DNAJB14: variants seen among roughly 807,000 people sequenced by gnomAD.
DNAJB14 encodes the protein dnaJ homolog subfamily B member 14.
In DNAJB14, 22 loss-of-function variants were observed where a neutral mutation model predicts 48.4. That is an observed-to-expected ratio of 0.45 (90% CI 0.32 to 0.65). DNAJB14 has a LOEUF of 0.65. Ranked by LOEUF, DNAJB14 falls within the 30% of genes least tolerant of loss-of-function variation. The pLI is 0.03. For synonymous variants in DNAJB14, 142 were observed against 158.7 expected, an observed-to-expected ratio of 0.89 and a Z score of 0.79; for missense variants, 319 against 458.8, an observed-to-expected ratio of 0.70 and a Z score of 2.78.
intron 3 of DNAJB14, among the ~76,000 whole-genome samples, chr4:99,912,370 C>G (rs980453419): frequency 6.6e-6 from 1 of 152,132 alleles, no homozygotes; most frequent in Non-Finnish European, 1.5e-5. Context: ...CAGGTTCTTT[C>G]TTCCCCTCAT....
At chr4:99,921,435 G>C (rs1454362309) in intron 3 of DNAJB14, among the ~76,000 whole-genome samples, 1 of 152,062 alleles carries the variant, frequency 6.6e-6, no homozygotes, top group Non-Finnish European at 1.5e-5. Flanking sequence ...TATTCAAAAC[G>C]CAACACAGGC....
intron 2 of DNAJB14, chr4:99,926,726 T>C (rs570628952): frequency 4.6e-5 from 7 of 151,892 alleles, no homozygotes; most frequent in Middle Eastern, 3.4e-3. Context: ...AAGCTAAGAA[T>C]TGCCACAGAC....
chr4:99,917,963 G>A (rs1272555094), intron 3 of DNAJB14, among the ~76,000 whole-genome samples: 2 of 152,032 alleles, frequency 1.3e-5, no homozygotes, highest in East Asian at 3.9e-4. Context: ...CTTTCTTTGG[G>A]TTTATCAGTT....
intron 1 of DNAJB14, among the ~76,000 whole-genome samples, chr4:99,935,894 C>T (rs1484334335): frequency 6.6e-6 from 1 of 152,054 alleles, no homozygotes; most frequent in Non-Finnish European, 1.5e-5. Context: ...ATGGTGAAAC[C>T]TCGTCTCTAC....
At chr4:99,945,334 C>T (rs1727029580) in intron 1 of DNAJB14, among the ~76,000 whole-genome samples, 1 of 152,128 alleles carries the variant, frequency 6.6e-6, no homozygotes, top group Non-Finnish European at 1.5e-5. Flanking sequence ...AGGGCTTCAA[C>T]GACGTAGAGA....
chr4:99,927,297 C>CA (rs1240696055), intron 2 of DNAJB14: 1 of 152,026 alleles, frequency 6.6e-6, no homozygotes, highest in African/African-American at 2.4e-5. Flanking sequence ...CTCTTTTTTT[C>CA]ATGTGTGCTA....
intron 3 of DNAJB14, among the ~76,000 whole-genome samples, chr4:99,912,290 A>C (rs1725690869): frequency 6.6e-6 from 1 of 152,176 alleles, no homozygotes; most frequent in Non-Finnish European, 1.5e-5. Context: ...CTATACAGTA[A>C]ATCCTGAAAT....
intron 1 of DNAJB14, among the ~76,000 whole-genome samples, chr4:99,941,372 A>C (rs1726885068): frequency 6.6e-6 from 1 of 152,222 alleles, no homozygotes; most frequent in Non-Finnish European, 1.5e-5. Flanking sequence ...TCAAATAATT[A>C]CTTTAACAAA....
At position 99,946,577 on chromosome 4, in the gene DNAJB14, G is replaced by A. The variant is rs374285512; in HGVS notation, c.-6C>T. On this transcript the variant is annotated 5_prime_UTR_variant, in exon 1 of 8. Coordinates refer to ENST00000442697, the MANE Select transcript of DNAJB14 (RefSeq NM_001031723.4). The stretch of plus-strand genomic sequence containing the variant: ...TCATCCCTGTTCCCCTCCATAGCTT[G>A]CTCCTTCTTCCGTTTCCTCCGGCAG... 16 of 1,612,956 alleles carry A rather than the reference G, an allele frequency of 9.9e-6. No individual in the cohort carries two copies. The African/African-American group carries it at 1.9e-4, about 19-fold the overall frequency.
intron 3 of DNAJB14, 142 bp from the exon 4 acceptor site, chr4:99,909,038 A>G (rs1483363328): frequency 1.9e-6 from 1 of 528,914 alleles, no homozygotes; most frequent in Non-Finnish European, 3.1e-6. Flanking sequence ...TTTTAAAGAT[A>G]TACATTGTTT....
intron 3 of DNAJB14, 136 bp from the exon 4 acceptor site, chr4:99,909,032 A>G (rs1725565384): frequency 1.8e-6 from 1 of 543,942 alleles, no homozygotes; most frequent in African/African-American, 2.0e-5. Context: ...AAGTTCTTTT[A>G]AAGATATACA....
At chr4:99,910,774 A>G (rs1022777604) in intron 3 of DNAJB14, among the ~76,000 whole-genome samples, 2 of 152,000 alleles carry the variant, frequency 1.3e-5, no homozygotes, top group African/African-American at 2.4e-5. Flanking sequence ...TTTGGTATTC[A>G]TAAGTTTTAC....
In DNAJB14 at chr4:99,900,947, C is replaced by T. The variant is rs1725275334; in HGVS notation, c.*81G>A. ...TTTAGTTTTCAGTATCAAATCTTTTCCTTCATCCCTCATGATGAAACCAAA... is the reference window on the plus strand; with the variant it reads ...TTTAGTTTTCAGTATCAAATCTTTTTCTTCATCCCTCATGATGAAACCAAA... On this transcript the variant is annotated 3_prime_UTR_variant, in exon 8 of 8. Coordinates refer to ENST00000442697, the MANE Select transcript of DNAJB14 (RefSeq NM_001031723.4). 1 of 1,440,572 alleles carries T rather than the reference C, an allele frequency of 6.9e-7. No individual in the cohort carries two copies. The highest frequency in any genetic ancestry group is 2.3e-5 in the Admixed American group (1 of 42,724). The allele number at this position is 1,440,572 out of a possible 1,614,324, so 89.2% of individuals were successfully genotyped here. A position where few individuals can be genotyped will look rare whatever the true frequency, so the allele number is the denominator to read the frequency against.
chr4:99,943,320 A>G (rs1180247367), intron 1 of DNAJB14, among the ~76,000 whole-genome samples: 1 of 152,196 alleles, frequency 6.6e-6, no homozygotes, highest in Admixed American at 6.5e-5. Flanking sequence ...TTGTACTACC[A>G]ACTTTCACCC....
chr4:99,946,473 C>T lies in DNAJB14; in HGVS notation c.99G>A (p.Lys33=), dbSNP rs1393227971. The change falls in exon 1 of 8, where the codon AAG becomes AAA. Residue 33 remains lysine (K), a synonymous_variant. Coordinates refer to ENST00000442697, the MANE Select transcript of DNAJB14 (RefSeq NM_001031723.4). ...AGGGCAGTGGGTAGAGCTTCTCGGC[C>T]TTCTGCAGGAAGCGCTGGGCCTTCT... ...NREKAQRFLQ[K]AEKLYPLPSA... is the part of the protein sequence containing the mutation. The T allele has an allele frequency of 6.2e-7, 1 of 1,613,512 alleles. No individual in the cohort carries two copies. The highest frequency in any genetic ancestry group is 8.5e-7 in the Non-Finnish European group (1 of 1,179,756).
At chr4:99,919,125 G>T (rs1440743833) in intron 3 of DNAJB14, among the ~76,000 whole-genome samples, 1 of 152,088 alleles carries the variant, frequency 6.6e-6, no homozygotes, top group Non-Finnish European at 1.5e-5. Context: ...TTTTCCTGTG[G>T]TGTTTGCAGT....
At chr4:99,924,809 T>G (rs1726190629) in intron 2 of DNAJB14, 1 of 1,580,600 alleles carries the variant, frequency 6.3e-7, no homozygotes, top group Admixed American at 1.7e-5. Flanking sequence ...CCAATATCCA[T>G]AAAGCTCTGA....
intron 1 of DNAJB14, among the ~76,000 whole-genome samples, chr4:99,935,723 C>T (rs1285323228): frequency 6.6e-6 from 1 of 151,972 alleles, no homozygotes; most frequent in Non-Finnish European, 1.5e-5. Flanking sequence ...CTTTTGGCAT[C>T]TGGGGCTGGC....
In DNAJB14 at chr4:99,946,309, C is replaced by T. The variant is rs562469708; in HGVS notation, c.133+130G>A. On this transcript the variant is annotated intron_variant, in intron 1 of 7. Transcript: ENST00000442697. ...TGTGTCGGGATGCTCCCCACCGGGC[C>T]TGGGGCTGGGGCTGGCTCAGACAGG... is the stretch of plus-strand genomic sequence containing the variant. 2.8e-6 allele frequency: 4 copies of T among 1,410,576 alleles called. No individual in the cohort carries two copies. The South Asian group carries it at 3.8e-5, about 13-fold the overall frequency. 87.4% of individuals were successfully genotyped at this position (1,410,576 alleles called of 1,614,324 possible).
Sources: gnomAD v4.1 joint callset for allele counts (sites outside exome capture counted in the v4.1 genomes callset) on GRCh38, gnomAD v4.1.1 for gene constraint, MANE v1.5 for transcripts, NCBI Gene and HGNC (gene_info 2026-07-23, HGNC 2026-07-21) for gene names.